The following NIPAL3 variants were observed in gnomAD, a reference collection of about 807,000 sequenced individuals.
The protein encoded by NIPAL3 is NIPA-like protein 3.
A neutral mutation model predicts 47.2 loss-of-function variants in NIPAL3; 41 were observed. That is an observed-to-expected ratio of 0.87 (90% CI 0.68 to 1.13). The LOEUF is 1.13. Ranked by LOEUF, NIPAL3 falls within the 50% of genes most tolerant of loss-of-function variation. NIPAL3 has a pLI of 0.00. For missense variants in NIPAL3, 449 were observed against 530.1 expected (o/e 0.85, Z 1.50); for synonymous variants, 194 against 209.6 (o/e 0.93, Z 0.64).
intron 5 of NIPAL3, among the ~76,000 whole-genome samples, 184 bp downstream of exon 5, chr1:24,445,428 C>T (rs1645611708): frequency 6.6e-6 from 1 of 152,138 alleles, no homozygotes; most frequent in Non-Finnish European, 1.5e-5. Flanking sequence ...CCTGGCCACA[C>T]CTCAGAATCA....
At chr1:24,431,521 T>C (rs961075980) in intron 2 of NIPAL3, among the ~76,000 whole-genome samples, 1 of 152,252 alleles carries the variant, frequency 6.6e-6, no homozygotes, top group Non-Finnish European at 1.5e-5. Flanking sequence ...ATTTCTATCT[T>C]TTTAAAATTT....
At chr1:24,450,469 CT>C (rs536621632) in intron 6 of NIPAL3, among the ~76,000 whole-genome samples, 71 of 152,352 alleles carry the variant, frequency 4.7e-4, no homozygotes, top group African/African-American at 1.6e-3. Flanking sequence ...GCTCAGTCCT[CT>C]GCCCCAGTTC....
chr1:24,442,478 G>A (rs1246427683), intron 4 of NIPAL3, among the ~76,000 whole-genome samples: 3 of 152,150 alleles, frequency 2.0e-5, no homozygotes, highest in African/African-American at 7.2e-5. Flanking sequence ...TGAGGCACGG[G>A]GTAATGAAAT....
At chr1:24,467,339 G>A (rs975240597) in intron 11 of NIPAL3, among the ~76,000 whole-genome samples, 4 of 152,108 alleles carry the variant, frequency 2.6e-5, no homozygotes, top group Non-Finnish European at 2.9e-5. Context: ...GCGTGGTGGC[G>A]GGTGCCTGTA....
rs1646422849 is a variant in NIPAL3, at chr1:24,460,524, C to T, written c.906C>T (p.His302=). 1.3e-6 allele frequency: 2 copies of T among 1,582,430 alleles called. No homozygotes were observed. The highest frequency in any genetic ancestry group is 1.7e-6 in the Non-Finnish European group (2 of 1,168,186). Residue 302 remains histidine, a synonymous_variant, in exon 10 of 12, where the codon CAC becomes CAT. Coordinates refer to ENST00000374399, the MANE Select transcript of NIPAL3 (RefSeq NM_020448.5). ...YLDFIGEDVL[H]ICMFALGCLI... is the part of the protein sequence containing the mutation. ...ACTTCATCGGGGAGGACGTGCTGCA[C>T]ATCTGCATGTTTGCACTGGGGTGAG...
In NIPAL3 at chr1:24,469,073, A is replaced by G; in HGVS notation, c.1109A>G (p.Asn370Ser). 7 of 1,613,956 alleles carry G rather than the reference A, an allele frequency of 4.3e-6. No homozygotes were observed. The highest frequency in any genetic ancestry group is 5.9e-6 in the Non-Finnish European group (7 of 1,179,966). ...FSYGALENND[N>S]ISEIYAPATL... Reference sequence around the variant, plus strand: ...TATGGGGCTCTGGAAAACAATGACAACATTTCTGAGATCTACGCTCCTGCC... The same window carrying G: ...TATGGGGCTCTGGAAAACAATGACAGCATTTCTGAGATCTACGCTCCTGCC... The change falls in exon 12 of 12, where the codon AAC (asparagine) becomes AGC (serine). Residue 370 changes from asparagine to serine, a missense_variant. Asn to Ser is a conservative substitution (Grantham distance 46). Coordinates refer to ENST00000374399, the MANE Select transcript of NIPAL3 (RefSeq NM_020448.5).
intron 11 of NIPAL3, among the ~76,000 whole-genome samples, chr1:24,467,407 T>C (rs1473411405): frequency 6.6e-6 from 1 of 152,006 alleles, no homozygotes; most frequent in East Asian, 1.9e-4. Flanking sequence ...GAGGTGGAGC[T>C]TGCAGTGAGC....
chr1:24,415,878 A>T lies in NIPAL3; in HGVS notation c.-284A>T. The stretch of plus-strand genomic sequence containing the variant: ...GAGTCATTTCTCAGAAGGTTTTGAT[A>T]GGTGGGCCTTAGAGGAGACGCCGCC... On this transcript the variant is annotated 5_prime_UTR_variant, in exon 1 of 12. Transcript: ENST00000374399. The T allele has an allele frequency of 2.0e-6, 2 of 985,458 alleles. No homozygotes were observed. Among genetic ancestry groups the T allele is most frequent in the Non-Finnish European group, 2.4e-6 (2 of 829,926 alleles). 61.0% of individuals were successfully genotyped at this position (985,458 alleles called of 1,614,324 possible). A position where few individuals can be genotyped will look rare whatever the true frequency, so the allele number is the denominator to read the frequency against.
chr1:24,466,170 C>A, intron 11 of NIPAL3: 3 of 1,399,504 alleles, frequency 2.1e-6, no homozygotes, highest in South Asian at 1.3e-5. Context: ...CTGGCACTCT[C>A]AGCCAGGCCT....
At chr1:24,429,510 C>T (rs573724915) in intron 2 of NIPAL3, among the ~76,000 whole-genome samples, 4 of 152,156 alleles carry the variant, frequency 2.6e-5, no homozygotes, top group Admixed American at 6.5e-5. Flanking sequence ...TCCCTTTTCT[C>T]CTTGAATTTG....
rs534760963 is a variant in NIPAL3, at chr1:24,469,946, A to G, written c.*761A>G. The G allele has an allele frequency of 3.3e-5, 5 of 152,288 alleles. No homozygotes were observed. The South Asian group carries it at 1.0e-3, about 32-fold the overall frequency. 9.4% of individuals were successfully genotyped at this position (152,288 alleles called of 1,614,324 possible). ...GATGCTTTAGCCCATTAAGGAAGAA[A>G]AGTTCCCCTTACTCTTACAAAAGGT... On this transcript the variant is annotated 3_prime_UTR_variant, in exon 12 of 12. Coordinates refer to ENST00000374399, the MANE Select transcript of NIPAL3 (RefSeq NM_020448.5).
At chr1:24,468,474 A>G (rs1429647332) in intron 11 of NIPAL3, among the ~76,000 whole-genome samples, 1 of 152,218 alleles carries the variant, frequency 6.6e-6, no homozygotes, top group Non-Finnish European at 1.5e-5. Flanking sequence ...ATAATAAGCA[A>G]ATCTCACCTT....
At position 24,416,142 on chromosome 1, in the gene NIPAL3, G is replaced by T. The variant is rs1277406158; in HGVS notation, c.-258+238G>T. ...GTGATGCCAGGCTCTACCAAACCAG[G>T]AAGTGACATGGAGTTAACTTTGCCA... On this transcript the variant is annotated intron_variant, in intron 1 of 11. Coordinates refer to ENST00000374399, the MANE Select transcript of NIPAL3 (RefSeq NM_020448.5). This position sits in a 1 kb window ranked among gnomAD's most constrained non-coding sequence, Gnocchi z 4.8. 4.1e-6 allele frequency: 4 copies of T among 985,492 alleles called. No homozygotes were observed. The East Asian group carries it at 4.5e-4, about 112-fold the overall frequency. The allele number at this position is 985,492 out of a possible 1,614,324, so 61.0% of individuals were successfully genotyped here.
intron 10 of NIPAL3, among the ~76,000 whole-genome samples, chr1:24,463,174 C>T (rs963087861): frequency 4.0e-5 from 6 of 151,160 alleles, no homozygotes; most frequent in African/African-American, 1.2e-4. Flanking sequence ...GGCAACAGAG[C>T]GAGACTCCAT....
chr1:24,435,521 A>G (rs1243231302), intron 2 of NIPAL3, among the ~76,000 whole-genome samples: 1 of 152,224 alleles, frequency 6.6e-6, no homozygotes, highest in Non-Finnish European at 1.5e-5. Flanking sequence ...TTAATTTATA[A>G]CAATCTAGTT....
intron 2 of NIPAL3, among the ~76,000 whole-genome samples, chr1:24,427,185 A>G (rs986064375): frequency 6.6e-6 from 1 of 152,114 alleles, no homozygotes; most frequent in Non-Finnish European, 1.5e-5. Context: ...ACCCGCATTT[A>G]TGGTTTCCAA....
rs962718883 is a variant in NIPAL3 at position 24,425,830 on chromosome 1, C to G, written c.93+6190C>G. Among the ~76,000 whole-genome samples, 11 of 152,324 alleles carry G rather than the reference C, an allele frequency of 7.2e-5. No homozygotes were observed. In the South Asian group the frequency reaches 2.3e-3, roughly 32 times the overall value. On this transcript the variant is annotated intron_variant, in intron 2 of 11. Coordinates refer to ENST00000374399, the MANE Select transcript of NIPAL3 (RefSeq NM_020448.5). The stretch of plus-strand genomic sequence containing the variant: ...AAACCGAAGCTGCCTGCACCACCCC[C>G]TGCTTCTGCCTTCGGAAATCCTACC...
At chr1:24,456,942 T>C (rs991328025) in intron 8 of NIPAL3, among the ~76,000 whole-genome samples, 1 of 152,106 alleles carries the variant, frequency 6.6e-6, no homozygotes, top group African/African-American at 2.4e-5. Flanking sequence ...TTTGTATTTT[T>C]AGTAGAGACG....
intron 5 of NIPAL3, among the ~76,000 whole-genome samples, chr1:24,446,971 C>T (rs1645700513): frequency 6.6e-6 from 1 of 152,088 alleles, no homozygotes; most frequent in Non-Finnish European, 1.5e-5. Flanking sequence ...TACCAGGAGC[C>T]ACAGGTGCAA....
Sources: allele counts gnomAD v4.1 joint callset (sites outside exome capture counted in the v4.1 genomes callset), GRCh38; gene constraint gnomAD v4.1.1; non-coding constraint Gnocchi (gnomAD v3.1); transcripts MANE v1.5; gene names NCBI Gene and HGNC (gene_info 2026-07-23, HGNC 2026-07-21).